The following ABCC4 variants were observed in gnomAD, a reference collection of about 807,000 sequenced individuals.
The protein encoded by ABCC4 is ATP-binding cassette sub-family C member 4.
A neutral mutation model predicts 168.5 loss-of-function variants in ABCC4; 102 were observed. That is an observed-to-expected ratio of 0.61 (90% confidence interval 0.52 to 0.71). The LOEUF (loss-of-function observed/expected upper bound fraction) is 0.71. Ranked by LOEUF, ABCC4 falls within the 30% of genes least tolerant of loss-of-function variation. The pLI, the probability that ABCC4 is intolerant of heterozygous loss-of-function variation, is 0.00. For missense variants in ABCC4, 1,402 were observed against 1,605.8 expected (o/e 0.87, Z 2.17); for synonymous variants, 617 against 590.7 (o/e 1.04, Z -0.65).
intron 23 of ABCC4, 28 bp from the exon 24 acceptor site, chr13:95,073,332 G>A (rs750227626): frequency 1.3e-5 from 20 of 1,580,094 alleles, no homozygotes; most frequent in Non-Finnish European, 1.7e-5. Flanking sequence ...AGGGAATAAA[G>A]TCAGTCTCAC....
chr13:95,122,437 T>C (rs1234705125), intron 19 of ABCC4, among the ~76,000 whole-genome samples: 1 of 152,248 alleles, frequency 6.6e-6, no homozygotes, highest in Non-Finnish European at 1.5e-5. Context: ...CTTATCTTTA[T>C]TTTACATAAT....
chr13:95,156,591 A>C (rs1317747214), intron 19 of ABCC4, among the ~76,000 whole-genome samples: 1 of 152,238 alleles, frequency 6.6e-6, no homozygotes, highest in African/African-American at 2.4e-5. Context: ...GACTAGGAAG[A>C]GGTAGATGCA....
intron 21 of ABCC4, among the ~76,000 whole-genome samples, chr13:95,080,070 T>A (rs1279648273): frequency 6.6e-6 from 1 of 152,156 alleles, no homozygotes; most frequent in East Asian, 1.9e-4. Context: ...CTAATCTTAC[T>A]TAGCTAATAT....
chr13:95,168,903 T>C (rs2037375202), intron 14 of ABCC4, among the ~76,000 whole-genome samples: 1 of 152,186 alleles, frequency 6.6e-6, no homozygotes, highest in African/African-American at 2.4e-5. Context: ...GCCTTTTTTT[T>C]CAAAACTGGA....
chr13:95,064,276 A>G (rs1594035863), intron 25 of ABCC4, among the ~76,000 whole-genome samples: 1 of 92,050 alleles, frequency 1.1e-5, no homozygotes, highest in Non-Finnish European at 2.5e-5. Flanking sequence ...ATATATATAT[A>G]TATATATATA....
At chr13:95,081,386 C>G (rs771611010) in intron 21 of ABCC4, among the ~76,000 whole-genome samples, 21 of 152,290 alleles carry the variant, frequency 1.4e-4, no homozygotes, top group Non-Finnish European at 2.5e-4. Flanking sequence ...ACAAGACTCT[C>G]GAATAACTTC....
At chr13:95,159,813 T>A (rs2037029977) in intron 19 of ABCC4, among the ~76,000 whole-genome samples, 4 of 152,196 alleles carry the variant, frequency 2.6e-5, no homozygotes. Flanking sequence ...CTACACAAGA[T>A]GCTTTCCAGA....
Position 95,021,623 on chromosome 13 carries a change from A to C in ABCC4, c.3930T>G (p.Thr1310=). ...TTAAGGTCGAGGGCTGTCCATTGGA[A>C]GTGTTTGTAACCATGTGGTCAGTGT... ...IGHTDHMVTN[T]SNGQPSTLTI... The change falls in exon 31 of 31, where the codon ACT becomes ACG. Residue 1310 remains threonine (T), a synonymous_variant. Coordinates refer to ENST00000645237, the MANE Select transcript of ABCC4 (RefSeq NM_005845.5). 6.2e-7 allele frequency: 1 copy of C among 1,613,526 alleles called. No homozygotes were observed. The highest frequency in any genetic ancestry group is 1.1e-5 in the South Asian group (1 of 91,060).
At chr13:95,262,448 T>G (rs1314864142) in intron 1 of ABCC4, among the ~76,000 whole-genome samples, 2 of 152,208 alleles carry the variant, frequency 1.3e-5, no homozygotes, top group Non-Finnish European at 2.9e-5. Flanking sequence ...GAAATCAATA[T>G]ACACTGATCC....
intron 19 of ABCC4, among the ~76,000 whole-genome samples, chr13:95,125,303 G>A (rs532937692): frequency 1.3e-5 from 2 of 152,132 alleles, no homozygotes; most frequent in Non-Finnish European, 2.9e-5. Context: ...TCCAGGCAGG[G>A]CTGACACAAA....
At chr13:95,265,643 G>A (rs1386306087) in intron 1 of ABCC4, among the ~76,000 whole-genome samples, 1 of 152,068 alleles carries the variant, frequency 6.6e-6, no homozygotes, top group African/African-American at 2.4e-5. Context: ...CACAGGGGAA[G>A]GAGACCCACG....
chr13:95,076,934 G>A (rs1301216622), intron 21 of ABCC4, among the ~76,000 whole-genome samples: 2 of 151,546 alleles, frequency 1.3e-5, no homozygotes, highest in Non-Finnish European at 2.9e-5. Context: ...TAATTTTTGA[G>A]TTTTTCATAG....
chr13:95,276,736 G>A (rs1043985429), intron 1 of ABCC4, among the ~76,000 whole-genome samples: 5 of 152,196 alleles, frequency 3.3e-5, no homozygotes, highest in African/African-American at 7.2e-5. Flanking sequence ...TACAACCCAC[G>A]GGCCAGCCGC....
chr13:95,255,077 A>C (rs966018748), intron 1 of ABCC4, among the ~76,000 whole-genome samples: 2 of 152,252 alleles, frequency 1.3e-5, no homozygotes, highest in Non-Finnish European at 1.5e-5. Context: ...CTGCAATAGC[A>C]AAAGTTTCCT....
chr13:95,251,066 G>C (rs771667584), intron 1 of ABCC4, among the ~76,000 whole-genome samples: 1 of 152,104 alleles, frequency 6.6e-6, no homozygotes, highest in African/African-American at 2.4e-5. Context: ...GGGATTACAG[G>C]CATGAGCCAC....
At chr13:95,254,298 T>C (rs1381480775) in intron 1 of ABCC4, among the ~76,000 whole-genome samples, 1 of 152,202 alleles carries the variant, frequency 6.6e-6, no homozygotes, top group Non-Finnish European at 1.5e-5. Flanking sequence ...AAATCTAGTC[T>C]TAATAAGCTT....
chr13:95,105,010 T>C (rs770781791), intron 20 of ABCC4, among the ~76,000 whole-genome samples: 7 of 152,142 alleles, frequency 4.6e-5, no homozygotes, highest in Non-Finnish European at 5.9e-5. Flanking sequence ...TCTATTATTA[T>C]GTGGTAATAT....
intron 19 of ABCC4, among the ~76,000 whole-genome samples, chr13:95,139,299 T>C (rs1430075400): frequency 1.3e-5 from 2 of 152,232 alleles, no homozygotes; most frequent in Non-Finnish European, 2.9e-5. Context: ...TGGGCAGGAT[T>C]GGCCGCCCAA....
chr13:95,295,218 C>T (rs1370046570), intron 1 of ABCC4, among the ~76,000 whole-genome samples: 2 of 152,080 alleles, frequency 1.3e-5, no homozygotes, highest in Non-Finnish European at 2.9e-5. Flanking sequence ...TCTGCAGACA[C>T]AGAAATTTAC....
Sources: gnomAD v4.1 joint callset for allele counts (sites outside exome capture counted in the v4.1 genomes callset) on GRCh38, gnomAD v4.1.1 for gene constraint, MANE v1.5 for transcripts, NCBI Gene and HGNC (gene_info 2026-07-23, HGNC 2026-07-21) for gene names.